Variants in THSD7B observed in about 807,000 individuals in gnomAD.
The protein encoded by THSD7B is thrombospondin type-1 domain-containing protein 7B.
In THSD7B, 138 loss-of-function variants were observed where a neutral mutation model predicts 213.6. The ratio of observed to expected loss-of-function variants is 0.65; its 90% CI spans 0.56 to 0.74. The LOEUF (loss-of-function observed/expected upper bound fraction) is 0.74. THSD7B is among the 30% of genes least tolerant of loss of function. The probability of loss-of-function intolerance (pLI) is 0.00; values close to 1 mark genes in which losing one functional copy is unlikely to be tolerated. For missense variants in THSD7B, 1,931 were observed against 1,991.5 expected (o/e 0.97, Z 0.58); for synonymous variants, 742 against 687.0 (o/e 1.08, Z -1.25).
chr2:136,881,836 C>T (rs1028904405), intron 1 of THSD7B, among the ~76,000 whole-genome samples: 6 of 151,762 alleles, frequency 4.0e-5, no homozygotes, highest in Admixed American at 1.3e-4. Context: ...AATATTATCA[C>T]GTTACATTGA....
chr2:136,981,729 T>C (rs1332265847), intron 2 of THSD7B, among the ~76,000 whole-genome samples: 1 of 152,198 alleles, frequency 6.6e-6, no homozygotes, highest in Admixed American at 6.5e-5. Flanking sequence ...TGGAAAACCT[T>C]GTCTGACTCC....
chr2:137,605,655 T>A (rs1682160389), intron 17 of THSD7B, among the ~76,000 whole-genome samples: 3 of 51,906 alleles, frequency 5.8e-5, no homozygotes, highest in Non-Finnish European at 1.1e-4. Context: ...GCACTTTTTT[T>A]TTTTTTTTTT....
intron 10 of THSD7B, among the ~76,000 whole-genome samples, chr2:137,245,636 A>G (rs1049347394): frequency 2.0e-5 from 3 of 152,180 alleles, no homozygotes; most frequent in African/African-American, 7.2e-5. Flanking sequence ...GCTAGATTTT[A>G]AGTCCATGAA....
chr2:137,143,342 A>G (rs913079648), intron 5 of THSD7B, among the ~76,000 whole-genome samples: 6 of 152,134 alleles, frequency 3.9e-5, no homozygotes, highest in African/African-American at 1.4e-4. Flanking sequence ...GGAATCACGC[A>G]TTCTCTTCTC....
chr2:137,150,165 C>G (rs1285202677), intron 5 of THSD7B, among the ~76,000 whole-genome samples: 2 of 151,668 alleles, frequency 1.3e-5, no homozygotes, highest in Admixed American at 1.3e-4. Flanking sequence ...TCATTTGAAC[C>G]CGGGAGGCAG....
At chr2:136,888,945 G>GTGTGTGTGTGTGTGTGTGTGTGTGTGCT (rs1683768476) in intron 2 of THSD7B, among the ~76,000 whole-genome samples, 1 of 123,296 alleles carries the variant, frequency 8.1e-6, no homozygotes, top group African/African-American at 3.6e-5. Context: ...GTCTTTTGGG[G>GTGTGTGTGTGTGTGTGTGTGTGTGTGCT]TGTGTGTGTG....
At chr2:137,623,988 C>T (rs771720787) in intron 20 of THSD7B, among the ~76,000 whole-genome samples, 23 of 152,268 alleles carry the variant, frequency 1.5e-4, no homozygotes, top group South Asian at 4.1e-4. Context: ...CTTTAAAGTT[C>T]GTATGGAACC....
At chr2:137,379,311 TGCA>T (rs1181520868) in intron 12 of THSD7B, among the ~76,000 whole-genome samples, 1 of 152,232 alleles carries the variant, frequency 6.6e-6, no homozygotes, top group African/African-American at 2.4e-5. Context: ...ATTGGGCTCC[TGCA>T]GCCACGCAGC....
intron 1 of THSD7B, among the ~76,000 whole-genome samples, chr2:136,783,149 C>T (rs1469815222): frequency 1.3e-5 from 2 of 152,200 alleles, no homozygotes; most frequent in Admixed American, 6.5e-5. Flanking sequence ...TCATCCAGCA[C>T]ACTGCCTGGC....
chr2:137,457,270 TA>T (rs1002449063), intron 15 of THSD7B, among the ~76,000 whole-genome samples: 36 of 152,072 alleles, frequency 2.4e-4, no homozygotes, highest in African/African-American at 7.5e-4. Flanking sequence ...CATTTTACTA[TA>T]TTTTTTCATA....
intron 1 of THSD7B, among the ~76,000 whole-genome samples, chr2:136,802,143 G>A (rs1427614): frequency 0.22 from 32,853 of 151,898 alleles, 4,132 homozygotes; most frequent in East Asian, 0.41. Flanking sequence ...AGAAATAGCT[G>A]GTAATGAGGA....
At chr2:137,202,017 G>A (rs927942402) in intron 7 of THSD7B, among the ~76,000 whole-genome samples, 1 of 152,060 alleles carries the variant, frequency 6.6e-6, no homozygotes, top group African/African-American at 2.4e-5. Context: ...ATAGATTCTG[G>A]ATCTGGGTCC....
chr2:137,644,302 G>A (rs1015531123), intron 21 of THSD7B, among the ~76,000 whole-genome samples: 3 of 152,154 alleles, frequency 2.0e-5, no homozygotes, highest in Non-Finnish European at 4.4e-5. Context: ...CAAGTCTATA[G>A]TTAATTATTC....
chr2:137,510,638 A>G lies in THSD7B; in HGVS notation c.3139-52583A>G, dbSNP rs192945711. ...CAAAGGACTTCTTTTAGTATGCTTTATAGTGCAATTCTCCTAGCAACAATT... is the reference window on the plus strand; with the variant it reads ...CAAAGGACTTCTTTTAGTATGCTTTGTAGTGCAATTCTCCTAGCAACAATT... On this transcript the variant is annotated intron_variant, in intron 15 of 27. Coordinates refer to ENST00000409968, the MANE Select transcript of THSD7B (RefSeq NM_001316349.2). Among the ~76,000 whole-genome samples, 591 of 152,276 alleles carry G rather than the reference A, an allele frequency of 3.9e-3. 3 individuals are homozygous for G. The highest frequency in any genetic ancestry group is 6.8e-3 in the Middle Eastern group (2 of 294).
At chr2:136,899,761 T>G (rs566016626) in intron 2 of THSD7B, among the ~76,000 whole-genome samples, 7 of 152,200 alleles carry the variant, frequency 4.6e-5, no homozygotes, top group Non-Finnish European at 1.0e-4. Context: ...AGAATACTTA[T>G]GTAGAGTATT....
intron 12 of THSD7B, among the ~76,000 whole-genome samples, chr2:137,333,602 C>A (rs1335425815): frequency 6.6e-6 from 1 of 152,168 alleles, no homozygotes. Context: ...ACTTTCTGTC[C>A]TCCAGACTGC....
chr2:137,359,690 C>T (rs1468848192), intron 12 of THSD7B, among the ~76,000 whole-genome samples: 1 of 152,132 alleles, frequency 6.6e-6, no homozygotes, highest in Non-Finnish European at 1.5e-5. Flanking sequence ...CATTTGGTCA[C>T]CTCCTGGGTA....
intron 3 of THSD7B, among the ~76,000 whole-genome samples, chr2:137,089,272 G>GTGTGTA (rs1558916460): frequency 3.9e-4 from 54 of 138,990 alleles, no homozygotes; most frequent in African/African-American, 1.2e-3. Context: ...GTGTGTGTGT[G>GTGTGTA]TGTATATGTA....
chr2:137,256,614 C>G (rs1438165291), intron 10 of THSD7B, among the ~76,000 whole-genome samples: 1 of 152,166 alleles, frequency 6.6e-6, no homozygotes, highest in Non-Finnish European at 1.5e-5. Flanking sequence ...TGAAGACATT[C>G]TACCAAGTTT....
Sources: gnomAD v4.1 joint callset for allele counts (sites outside exome capture counted in the v4.1 genomes callset) on GRCh38, gnomAD v4.1.1 for gene constraint, MANE v1.5 for transcripts, NCBI Gene and HGNC (gene_info 2026-07-23, HGNC 2026-07-21) for gene names.